F13A1: variants seen among roughly 807,000 people sequenced by gnomAD.
F13A1 encodes FSF, A subunit.
A neutral mutation model predicts 80.1 loss-of-function variants in F13A1; 47 were observed. That is an observed-to-expected ratio of 0.59 (90% CI 0.46 to 0.75). F13A1 has a LOEUF of 0.75. F13A1 is among the 30% of genes least tolerant of loss of function. The pLI is 0.00. For synonymous variants in F13A1, 349 were observed against 344.9 expected (o/e 1.01, Z -0.13); for missense variants, 817 against 930.4 (o/e 0.88, Z 1.59).
At chr6:6,271,165 T>C (rs1238370907) in intron 3 of F13A1, among the ~76,000 whole-genome samples, 2 of 152,290 alleles carry the variant, frequency 1.3e-5, no homozygotes, top group South Asian at 2.1e-4. Context: ...TGGTTAGGAA[T>C]GTGGAACCTG....
chr6:6,295,645 GC>G (rs1293914677), intron 3 of F13A1, among the ~76,000 whole-genome samples: 1 of 141,888 alleles, frequency 7.0e-6, no homozygotes, highest in Non-Finnish European at 1.5e-5. Flanking sequence ...CTGGATATTA[GC>G]CCTTTGTCAG....
intron 13 of F13A1, among the ~76,000 whole-genome samples, chr6:6,152,322 G>A (rs13213508): frequency 0.064 from 9,731 of 152,174 alleles, 358 homozygotes; most frequent in South Asian, 0.12. Context: ...TTCCTGCTGG[G>A]ACAAAGGGGA....
At chr6:6,251,823 G>A (rs1301872228) in intron 4 of F13A1, among the ~76,000 whole-genome samples, 2 of 152,160 alleles carry the variant, frequency 1.3e-5, no homozygotes, top group Non-Finnish European at 2.9e-5. Flanking sequence ...GAAATAATTC[G>A]TTAAGAAGAG....
chr6:6,146,076 C>G (rs1021140937), intron 14 of F13A1, among the ~76,000 whole-genome samples: 1 of 152,276 alleles, frequency 6.6e-6, no homozygotes, highest in South Asian at 2.1e-4. Context: ...ATCAACTGAA[C>G]TCTAGCTTGT....
chr6:6,307,947 C>T (rs1303677955), intron 2 of F13A1, among the ~76,000 whole-genome samples: 2 of 151,898 alleles, frequency 1.3e-5, no homozygotes, highest in Non-Finnish European at 2.9e-5. Context: ...TTAGCTGGCA[C>T]TCTCTAGGTA....
intron 8 of F13A1, among the ~76,000 whole-genome samples, chr6:6,199,805 G>A (rs1214341089): frequency 6.6e-6 from 1 of 152,176 alleles, no homozygotes; most frequent in Non-Finnish European, 1.5e-5. Flanking sequence ...AGATTGAGCT[G>A]AGTCCTCCCC....
At chr6:6,318,292 G>A (rs1758715065) in intron 2 of F13A1, among the ~76,000 whole-genome samples, 1 of 152,222 alleles carries the variant, frequency 6.6e-6, no homozygotes, top group South Asian at 2.1e-4. Context: ...GAAAGACAAA[G>A]CAACTTCTCT....
At chr6:6,283,994 A>G (rs895634551) in intron 3 of F13A1, among the ~76,000 whole-genome samples, 2 of 152,238 alleles carry the variant, frequency 1.3e-5, no homozygotes, top group Admixed American at 6.5e-5. Flanking sequence ...TTAGTGAATC[A>G]CTGAAGCAAG....
intron 3 of F13A1, among the ~76,000 whole-genome samples, chr6:6,291,663 C>T (rs776802699): frequency 7.9e-5 from 12 of 152,284 alleles, no homozygotes; most frequent in Non-Finnish European, 1.2e-4. Flanking sequence ...TTGAGTGACA[C>T]TGCAACCCCC....
chr6:6,175,477 A>C (rs566729315), intron 11 of F13A1, among the ~76,000 whole-genome samples: 1 of 152,326 alleles, frequency 6.6e-6, no homozygotes, highest in East Asian at 1.9e-4. Flanking sequence ...AGGTTCTACC[A>C]AAACTTGCAT....
At chr6:6,204,928 C>T (rs547108494) in intron 8 of F13A1, among the ~76,000 whole-genome samples, 2 of 152,322 alleles carry the variant, frequency 1.3e-5, no homozygotes, top group South Asian at 4.1e-4. Context: ...GGAGACTAGG[C>T]CAGGGCCCCT....
chr6:6,265,814 TTA>T (rs1238333332), intron 4 of F13A1, among the ~76,000 whole-genome samples: 4 of 152,144 alleles, frequency 2.6e-5, no homozygotes, highest in African/African-American at 9.7e-5. Context: ...AGCGTCGACT[TTA>T]TTTTATTTTT....
chr6:6,182,166 A>ATTG, intron 10 of F13A1, 25 bp from the exon 11 acceptor site: 3 of 1,613,252 alleles, frequency 1.9e-6, no homozygotes, highest in Non-Finnish European at 2.5e-6. Flanking sequence ...GGAGAGCATT[A>ATTG]GCCATCATCA....
Position 6,255,653 on chromosome 6 carries a change from G to A in F13A1, c.572-4724C>T, listed in dbSNP as rs548021892. ...TTTGGGCTTTGCGTTAGTATTGATGGGAAGTGATAAATTTAAGTGGCAAAG... is the reference window on the plus strand; with the variant it reads ...TTTGGGCTTTGCGTTAGTATTGATGAGAAGTGATAAATTTAAGTGGCAAAG... On this transcript the variant is annotated intron_variant, in intron 4 of 14. Transcript: ENST00000264870. Among the ~76,000 whole-genome samples, 16 of 152,142 alleles carry A rather than the reference G, an allele frequency of 1.1e-4. No homozygotes were observed. In the South Asian group the frequency reaches 3.3e-3, roughly 32 times the overall value.
At position 6,145,300 on chromosome 6, in the gene F13A1, GC is replaced by G; in HGVS notation, c.*318del. 1 of 376,368 alleles carries G rather than the reference GC, an allele frequency of 2.7e-6. No homozygotes were observed. The highest frequency in any genetic ancestry group is 5.1e-6 in the Non-Finnish European group (1 of 196,494). 23.3% of individuals were successfully genotyped at this position (376,368 alleles called of 1,614,324 possible). On this transcript the variant is annotated 3_prime_UTR_variant, in exon 15 of 15. Transcript: ENST00000264870. ...TTGAGCAAATCTCCCTGGTAAGAGA[GC>G]CCACTGATATTTGGAGATGTAGCCA...
chr6:6,309,996 A>G (rs1279304444), intron 2 of F13A1, among the ~76,000 whole-genome samples: 1 of 152,192 alleles, frequency 6.6e-6, no homozygotes, highest in African/African-American at 2.4e-5. Flanking sequence ...TTTCTTTGGT[A>G]TCATTGGTAT....
chr6:6,171,392 T>C (rs1430792645), intron 12 of F13A1, among the ~76,000 whole-genome samples: 1 of 152,248 alleles, frequency 6.6e-6, no homozygotes, highest in African/African-American at 2.4e-5. Context: ...GATTCTACCA[T>C]GTGGCACACA....
At chr6:6,152,044 TAC>T (rs1311591855) in intron 13 of F13A1, 95 bp from the exon 14 acceptor site, 1 of 1,497,980 alleles carries the variant, frequency 6.7e-7, no homozygotes, top group Non-Finnish European at 9.1e-7. Flanking sequence ...AGTTTTATGA[TAC>T]AGTTATTTTT....
intron 8 of F13A1, among the ~76,000 whole-genome samples, chr6:6,199,943 G>A (rs1761362866): frequency 6.6e-6 from 1 of 152,180 alleles, no homozygotes; most frequent in Non-Finnish European, 1.5e-5. Flanking sequence ...GAGGGACTCG[G>A]ATGAGTTGGG....
Sources: allele counts gnomAD v4.1 joint callset (sites outside exome capture counted in the v4.1 genomes callset), GRCh38; gene constraint gnomAD v4.1.1; transcripts MANE v1.5; gene names NCBI Gene and HGNC (gene_info 2026-07-23, HGNC 2026-07-21).